Variants in KCND2 observed in about 807,000 individuals in gnomAD.
The protein encoded by KCND2 is potassium voltage-gated channel subfamily D member 2.
In KCND2, 16 loss-of-function variants were observed where a neutral mutation model predicts 54.4. The observed-to-expected ratio is 0.29, with a 90% CI of 0.20 to 0.45. KCND2 has a LOEUF of 0.45. Ranked by LOEUF, KCND2 falls within the 20% of genes least tolerant of loss-of-function variation. The pLI, the probability that KCND2 is intolerant of heterozygous loss-of-function variation, is 1.00. For synonymous variants in KCND2, 317 were observed against 310.7 expected, an observed-to-expected ratio of 1.02 and a Z score of -0.21; for missense variants, 486 against 824.2, an observed-to-expected ratio of 0.59 and a Z score of 5.02.
At chr7:120,493,396 C>G (rs1047269744) in intron 1 of KCND2, among the ~76,000 whole-genome samples, 1 of 151,822 alleles carries the variant, frequency 6.6e-6, no homozygotes, top group Non-Finnish European at 1.5e-5. Context: ...AATTATGATA[C>G]TAATCATTGG....
intron 1 of KCND2, among the ~76,000 whole-genome samples, chr7:120,553,412 C>G (rs1792125181): frequency 6.6e-6 from 1 of 152,176 alleles, no homozygotes; most frequent in Non-Finnish European, 1.5e-5. Context: ...TCACATTTTT[C>G]TTATCCATTC....
rs576921288 is a variant in KCND2, at chr7:120,290,169, A to AT, written c.1115+14430dup. Among the ~76,000 whole-genome samples, 56 of 151,886 alleles carry AT rather than the reference A, an allele frequency of 3.7e-4. 1 individual carries two copies. The South Asian group carries it at 7.7e-3, about 21-fold the overall frequency. On this transcript the variant is annotated intron_variant, in intron 1 of 5. Transcript: ENST00000331113. Reference sequence around the variant, plus strand: ...TGCCGATCATGGATGCTGAATAAAGATTTTTTTTATTTTTACTGTAGAGTT... The same window carrying AT: ...TGCCGATCATGGATGCTGAATAAAGATTTTTTTTTATTTTTACTGTAGAGTT...
At chr7:120,591,038 A>G (rs1240286487) in intron 1 of KCND2, among the ~76,000 whole-genome samples, 1 of 152,166 alleles carries the variant, frequency 6.6e-6, no homozygotes, top group Non-Finnish European at 1.5e-5. Flanking sequence ...TATTTTTCCT[A>G]CTATGATAAT....
At chr7:120,643,518 T>C (rs923828742) in intron 1 of KCND2, among the ~76,000 whole-genome samples, 2 of 152,112 alleles carry the variant, frequency 1.3e-5, no homozygotes, top group African/African-American at 4.8e-5. Flanking sequence ...TTTGAATGTT[T>C]ATGAGGGATT....
chr7:120,687,772 T>C (rs904127615), intron 1 of KCND2, among the ~76,000 whole-genome samples: 6 of 152,188 alleles, frequency 3.9e-5, no homozygotes, highest in African/African-American at 1.2e-4. Flanking sequence ...ATCAAACTAA[T>C]AAACTAAAAG....
chr7:120,550,248 G>A (rs1792089816), intron 1 of KCND2, among the ~76,000 whole-genome samples: 1 of 151,958 alleles, frequency 6.6e-6, no homozygotes, highest in Admixed American at 6.6e-5. Context: ...GAAGGACAGT[G>A]TATTTTCAAG....
At chr7:120,307,117 A>G (rs1486403839) in intron 1 of KCND2, among the ~76,000 whole-genome samples, 2 of 152,066 alleles carry the variant, frequency 1.3e-5, no homozygotes, top group Non-Finnish European at 2.9e-5. Flanking sequence ...TGTCTAATAT[A>G]ATATTTTCCC....
intron 1 of KCND2, among the ~76,000 whole-genome samples, chr7:120,339,638 G>A (rs921000427): frequency 6.6e-6 from 1 of 151,936 alleles, no homozygotes; most frequent in Non-Finnish European, 1.5e-5. Context: ...CCAACTGTCC[G>A]GGACTATTCT....
intron 1 of KCND2, among the ~76,000 whole-genome samples, chr7:120,641,079 G>A (rs1393024524): frequency 6.6e-6 from 1 of 152,146 alleles, no homozygotes; most frequent in Non-Finnish European, 1.5e-5. Context: ...GCTGAGGAAC[G>A]CTATTTCTAC....
chr7:120,594,361 A>G (rs955006896), intron 1 of KCND2, among the ~76,000 whole-genome samples: 10 of 151,220 alleles, frequency 6.6e-5, no homozygotes, highest in Non-Finnish European at 1.2e-4. Flanking sequence ...GGCTTAAGCA[A>G]CAAGCATTTA....
intron 1 of KCND2, among the ~76,000 whole-genome samples, chr7:120,658,712 AG>A (rs1481137871): frequency 1.3e-5 from 2 of 152,208 alleles, no homozygotes; most frequent in Non-Finnish European, 2.9e-5. Context: ...ACCAGCAACT[AG>A]CCCCAACATG....
At chr7:120,322,892 G>A (rs1439406786) in intron 1 of KCND2, among the ~76,000 whole-genome samples, 2 of 151,934 alleles carry the variant, frequency 1.3e-5, no homozygotes, top group South Asian at 4.1e-4. Context: ...TTTTAAATTA[G>A]ATTCTAGATA....
chr7:120,738,684 G>A (rs747618468), intron 2 of KCND2, among the ~76,000 whole-genome samples: 7 of 151,942 alleles, frequency 4.6e-5, no homozygotes, highest in African/African-American at 1.7e-4. Context: ...TAAAAGGGTC[G>A]GGGGTAAGAG....
At chr7:120,606,679 G>T (rs1792886369) in intron 1 of KCND2, among the ~76,000 whole-genome samples, 1 of 151,970 alleles carries the variant, frequency 6.6e-6, no homozygotes, top group Non-Finnish European at 1.5e-5. Context: ...GACTATAAAT[G>T]TGAGGGCTTA....
In KCND2 at chr7:120,559,933, C is replaced by G. The variant is rs140296005; in HGVS notation, c.1116-172970C>G. ...GTGAGAAATCCACCGTCCTTTGGAGCAGAAAGTTCTCAGATGAAGGACAAT... is the reference window on the plus strand; with the variant it reads ...GTGAGAAATCCACCGTCCTTTGGAGGAGAAAGTTCTCAGATGAAGGACAAT... On this transcript the variant is annotated intron_variant, in intron 1 of 5. Transcript: ENST00000331113. Among the ~76,000 whole-genome samples, 33 of 152,176 alleles carry G rather than the reference C, an allele frequency of 2.2e-4. No homozygotes were observed. The East Asian group carries it at 6.2e-3, about 28-fold the overall frequency.
chr7:120,685,207 G>A (rs923497841), intron 1 of KCND2, among the ~76,000 whole-genome samples: 4 of 152,148 alleles, frequency 2.6e-5, no homozygotes, highest in Non-Finnish European at 5.9e-5. Context: ...CTCTGTACAT[G>A]CCTAAAACAA....
chr7:120,744,688 C>T (rs980571030), intron 4 of KCND2, among the ~76,000 whole-genome samples: 5 of 152,014 alleles, frequency 3.3e-5, no homozygotes, highest in African/African-American at 4.8e-5. Context: ...AATGACAAAA[C>T]GAGTAGCTAA....
chr7:120,413,156 A>G (rs1801475163), intron 1 of KCND2, among the ~76,000 whole-genome samples: 1 of 152,116 alleles, frequency 6.6e-6, no homozygotes. Context: ...AAGAAGATTC[A>G]GTATTCATAA....
chr7:120,408,959 A>G (rs1030273281), intron 1 of KCND2, among the ~76,000 whole-genome samples: 9 of 152,074 alleles, frequency 5.9e-5, no homozygotes, highest in African/African-American at 1.7e-4. Flanking sequence ...AGAGACAATG[A>G]TATGTCAAGT....
Sources: allele counts gnomAD v4.1 joint callset (sites outside exome capture counted in the v4.1 genomes callset), GRCh38; gene constraint gnomAD v4.1.1; transcripts MANE v1.5; gene names NCBI Gene and HGNC (gene_info 2026-07-23, HGNC 2026-07-21).